CLEC14A: variants seen among roughly 807,000 people sequenced by gnomAD.
CLEC14A encodes C-type lectin domain containing 14A.
For missense variants in CLEC14A, 682 were observed against 659.9 expected (o/e 1.03, Z -0.37); for synonymous variants, 349 against 292.0 (o/e 1.20, Z -1.99).
Position 38,255,927 on chromosome 14 carries a change from C to G in CLEC14A, c.96G>C (p.Ser32=), listed in dbSNP as rs746724750. 3 of 1,565,248 alleles carry G rather than the reference C, an allele frequency of 1.9e-6. No homozygotes were observed. Among genetic ancestry groups the G allele is most frequent in the African/African-American group, 2.7e-5 (2 of 73,684 alleles). ...GCAGGCTGTAGCAGGCCCCCGAGGC[C>G]GAGCAGCCAGCACGGTCGGCAGTGG... is the stretch of plus-strand genomic sequence containing the variant. ...EHPTADRAGC[S]ASGACYSLHH... The change falls in exon 1 of 1, where the codon TCG becomes TCC. Residue 32 remains serine, a synonymous_variant. Transcript: ENST00000342213. This position sits in a 1 kb window ranked among gnomAD's most constrained non-coding sequence, Gnocchi z 5.1.
chr14:38,254,284 T>A lies in CLEC14A; in HGVS notation c.*266A>T. On this transcript the variant is annotated 3_prime_UTR_variant, in exon 1 of 1. Coordinates refer to ENST00000342213, the MANE Select transcript of CLEC14A (RefSeq NM_175060.3). Reference sequence around the variant, plus strand: ...ATGTCTTGAAAAGTTCAATCACTTCTCCAAATTCTCCGAATAAACATAAGA... The same window carrying A: ...ATGTCTTGAAAAGTTCAATCACTTCACCAAATTCTCCGAATAAACATAAGA... The A allele has an allele frequency of 2.8e-6, 1 of 352,174 alleles. No homozygotes were observed. Among genetic ancestry groups the A allele is most frequent in the Non-Finnish European group, 5.1e-6 (1 of 196,172 alleles). The allele number at this position is 352,174 out of a possible 1,614,324, so 21.8% of individuals were successfully genotyped here.
At position 38,254,510 on chromosome 14, in the gene CLEC14A, T is replaced by G; in HGVS notation, c.*40A>C. ...TCTTGGTTCCCCGTTTCATCAAAAG[T>G]GAAAAACTGTTCACAGGAGTGCCCA... is the stretch of plus-strand genomic sequence containing the variant. On this transcript the variant is annotated 3_prime_UTR_variant, in exon 1 of 1. Transcript: ENST00000342213. The G allele has an allele frequency of 6.6e-7, 1 of 1,504,600 alleles. No homozygotes were observed. Among genetic ancestry groups the G allele is most frequent in the Non-Finnish European group, 8.9e-7 (1 of 1,125,296 alleles). 93.2% of individuals were successfully genotyped at this position (1,504,600 alleles called of 1,614,324 possible). A position where few individuals can be genotyped will look rare whatever the true frequency, so the allele number is the denominator to read the frequency against.
chr14:38,255,798 C>T lies in CLEC14A; in HGVS notation c.225G>A (p.Ala75=). Reference sequence around the variant, plus strand: ...CGGGCCCTGGGCCTGCCCGCAGGAGCGCGAGCACAGCGCGCAGCTCGGCGC... The same window carrying T: ...CGGGCCCTGGGCCTGCCCGCAGGAGTGCGAGCACAGCGCGCAGCTCGGCGC... The part of the protein sequence containing the change: ...RAGAELRAVL[A]LLRAGPGPGG... Residue 75 remains alanine, a synonymous_variant, in exon 1 of 1, where the codon GCG becomes GCA. Coordinates refer to ENST00000342213, the MANE Select transcript of CLEC14A (RefSeq NM_175060.3). This position sits in a 1 kb window ranked among gnomAD's most constrained non-coding sequence, Gnocchi z 5.1. The T allele has an allele frequency of 6.5e-7, 1 of 1,541,076 alleles. No individual in the cohort carries two copies. Among genetic ancestry groups the T allele is most frequent in the Non-Finnish European group, 8.7e-7 (1 of 1,147,956 alleles).
rs1884007125 is a variant in CLEC14A at position 38,254,777 on chromosome 14, T to C, written c.1246A>G (p.Thr416Ala). 2 of 1,614,084 alleles carry C rather than the reference T, an allele frequency of 1.2e-6. No homozygotes were observed. The highest frequency in any genetic ancestry group is 1.7e-6 in the Non-Finnish European group (2 of 1,180,028). The change falls in exon 1 of 1, where the codon ACA becomes GCA. Residue 416 changes from threonine to alanine, a missense_variant. Physicochemically the swap from Thr to Ala is moderately conservative, Grantham distance 58. Transcript: ENST00000342213. ...CAGAGCTTGACAAGCCCCAGTACTGTCATGGTCAAGATCACCAACACTACT... is the reference window on the plus strand; with the variant it reads ...CAGAGCTTGACAAGCCCCAGTACTGCCATGGTCAAGATCACCAACACTACT... ...AVVVLVILTM[T>A]VLGLVKLCFH...
rs1312094622 is a variant in CLEC14A at position 38,255,112 on chromosome 14, C to A, written c.911G>T (p.Arg304Met). 1.2e-6 allele frequency: 2 copies of A among 1,612,570 alleles called. No homozygotes were observed. Among genetic ancestry groups the A allele is most frequent in the Admixed American group, 3.3e-5 (2 of 60,024 alleles). Residue 304 changes from arginine (R) to methionine (M), a missense_variant, in exon 1 of 1, where the codon AGG becomes ATG. Physicochemically the swap from Arg to Met is moderately conservative, Grantham distance 91. Transcript: ENST00000342213. The surrounding 1 kb of genome is among the most constrained non-coding windows in gnomAD (Gnocchi z 5.1). ...GCTGGTTGCAGTGGCCGGCGGGCGC[C>A]TGGTGGGCACCCCGGTCCCCCCAAG... ...PTLGGTGVPT[R>M]RPPATATSPV...
rs758048393 is a variant in CLEC14A, at chr14:38,255,915, G to A, written c.108C>T (p.Ala36=). The A allele has an allele frequency of 2.6e-6, 4 of 1,566,080 alleles. No homozygotes were observed. The highest frequency in any genetic ancestry group is 2.4e-5 in the East Asian group (1 of 42,480). ...TGGTAGCGTGGTGCAGGCTGTAGCAGGCCCCCGAGGCCGAGCAGCCAGCAC... is the reference window on the plus strand; with the variant it reads ...TGGTAGCGTGGTGCAGGCTGTAGCAAGCCCCCGAGGCCGAGCAGCCAGCAC... The part of the protein sequence containing the change: ...ADRAGCSASG[A]CYSLHHATMK... The change falls in exon 1 of 1, where the codon GCC becomes GCT. Residue 36 remains alanine (A), a synonymous_variant. Coordinates refer to ENST00000342213, the MANE Select transcript of CLEC14A (RefSeq NM_175060.3). The surrounding 1 kb of genome is among the most constrained non-coding windows in gnomAD (Gnocchi z 5.1).
In CLEC14A at chr14:38,254,838, G is replaced by A. The variant is rs78287081; in HGVS notation, c.1185C>T (p.Ser395=). Residue 395 remains serine (S), a synonymous_variant, in exon 1 of 1, where the codon TCC becomes TCT. Coordinates refer to ENST00000342213, the MANE Select transcript of CLEC14A (RefSeq NM_175060.3). The stretch of plus-strand genomic sequence containing the variant: ...TCACAAATATGAAGACCACGGCAGA[G>A]GAGGAGTCGAAAGCCTGAGGAGTGG... The part of the protein sequence containing the change: ...SSATPQAFDS[S]SAVVFIFVST... The A allele has an allele frequency of 1.5e-3, 2,474 of 1,606,934 alleles. 36 individuals carry two copies. In the African/African-American group the frequency reaches 0.029, roughly 19 times the overall value.
In CLEC14A at chr14:38,255,371, C is replaced by T. The variant is rs997479865; in HGVS notation, c.652G>A (p.Gly218Arg). ...CAAGTAACTGAGATCGGGAGCTGTC[C>T]CCGGCAGAGCGCACTCACCTCGGTC... ...PGTEVSALCR[G>R]QLPISVTCIA... The change falls in exon 1 of 1, where the codon GGA becomes AGA. Residue 218 changes from glycine (G) to arginine (R), a missense_variant. By Grantham distance (125) the Gly-to-Arg change is moderately radical (BLOSUM62 -2). Coordinates refer to ENST00000342213, the MANE Select transcript of CLEC14A (RefSeq NM_175060.3). This position sits in a 1 kb window ranked among gnomAD's most constrained non-coding sequence, Gnocchi z 5.1. 6.2e-7 allele frequency: 1 copy of T among 1,613,522 alleles called. No individual in the cohort carries two copies. The highest frequency in any genetic ancestry group is 1.7e-5 in the Admixed American group (1 of 60,034).
Position 38,255,484 on chromosome 14 carries a change from G to A in CLEC14A, c.539C>T (p.Pro180Leu). 1 of 1,613,144 alleles carries A rather than the reference G, an allele frequency of 6.2e-7. No homozygotes were observed. The highest frequency in any genetic ancestry group is 8.5e-7 in the Non-Finnish European group (1 of 1,180,008). The change falls in exon 1 of 1, where the codon CCT (proline) becomes CTT (leucine). Residue 180 changes from proline (P) to leucine (L), a missense_variant. Coordinates refer to ENST00000342213, the MANE Select transcript of CLEC14A (RefSeq NM_175060.3). The surrounding 1 kb of genome is among the most constrained non-coding windows in gnomAD (Gnocchi z 5.1). ...AGAGGCGGCCCCGGGGCGCGGCGCA[G>A]GACACAAGACCTCAAACTGGTACTT... Reference protein sequence around the residue: ...LCKYQFEVLCPAPRPGAASNL... With the variant: ...LCKYQFEVLCLAPRPGAASNL...
Position 38,254,746 on chromosome 14 carries a change from T to G in CLEC14A, c.1277A>C (p.His426Pro), listed in dbSNP as rs1276858039. 2 of 1,614,010 alleles carry G rather than the reference T, an allele frequency of 1.2e-6. No individual in the cohort carries two copies. Among genetic ancestry groups the G allele is most frequent in the Non-Finnish European group, 1.7e-6 (2 of 1,179,954 alleles). ...CCTTGGCTGGGAAGAGGGGCTTTCG[T>G]GAAAGCAGAGCTTGACAAGCCCCAG... ...TVLGLVKLCF[H>P]ESPSSQPRKE... Residue 426 changes from histidine (H) to proline (P), a missense_variant, in exon 1 of 1, where the codon CAC becomes CCC. Physicochemically the swap from His to Pro is moderately conservative, Grantham distance 77. Coordinates refer to ENST00000342213, the MANE Select transcript of CLEC14A (RefSeq NM_175060.3).
In CLEC14A at chr14:38,255,198, C is replaced by T. The variant is rs755412440; in HGVS notation, c.825G>A (p.Thr275=). 6.2e-7 allele frequency: 1 copy of T among 1,613,866 alleles called. No homozygotes were observed. The highest frequency in any genetic ancestry group is 1.7e-5 in the Admixed American group (1 of 60,032). Residue 275 remains threonine, a synonymous_variant, in exon 1 of 1, where the codon ACG becomes ACA. Coordinates refer to ENST00000342213, the MANE Select transcript of CLEC14A (RefSeq NM_175060.3). This position sits in a 1 kb window ranked among gnomAD's most constrained non-coding sequence, Gnocchi z 5.1. ...GGCCGTCCTTCCCCAGCTCGAAGCC[C>T]GTAGCACATTCGCAGGCAAAGCCTC... is the stretch of plus-strand genomic sequence containing the variant. ...DLGGFACECA[T]GFELGKDGRS... is the part of the protein sequence containing the mutation.
chr14:38,255,832 A>G lies in CLEC14A; in HGVS notation c.191T>C (p.Val64Ala). 1 of 1,543,790 alleles carries G rather than the reference A, an allele frequency of 6.5e-7. No homozygotes were observed. The highest frequency in any genetic ancestry group is 8.7e-7 in the Non-Finnish European group (1 of 1,150,912). Residue 64 changes from valine to alanine, a missense_variant, in exon 1 of 1, where the codon GTG (valine) becomes GCG (alanine). Val to Ala is a moderately conservative substitution (Grantham distance 64). Coordinates refer to ENST00000342213, the MANE Select transcript of CLEC14A (RefSeq NM_175060.3). This position sits in a 1 kb window ranked among gnomAD's most constrained non-coding sequence, Gnocchi z 5.1. ...CILRGGALST[V>A]RAGAELRAVL... ...AGCGCGCAGCTCGGCGCCCGCACGC[A>G]CGGTGCTGAGCGCCCCACCTCGCAG...
chr14:38,254,718 C>T lies in CLEC14A; in HGVS notation c.1305G>A (p.Lys435=). The T allele has an allele frequency of 6.2e-7, 1 of 1,614,186 alleles. No individual in the cohort carries two copies. The highest frequency in any genetic ancestry group is 8.5e-7 in the Non-Finnish European group (1 of 1,180,030). Residue 435 remains lysine, a synonymous_variant, in exon 1 of 1, where the codon AAG becomes AAA. Transcript: ENST00000342213. ...CCAGGCCCGGCGGGCCCATAGACTC[C>T]TTCCTTGGCTGGGAAGAGGGGCTTT... ...FHESPSSQPR[K]ESMGPPGLES... is the part of the protein sequence containing the mutation.
At position 38,255,810 on chromosome 14, in the gene CLEC14A, G is replaced by A. The variant is rs1431594254; in HGVS notation, c.213C>T (p.Arg71=). The A allele has an allele frequency of 1.9e-6, 3 of 1,539,116 alleles. No homozygotes were observed. The highest frequency in any genetic ancestry group is 2.6e-6 in the Non-Finnish European group (3 of 1,147,512). ...LSTVRAGAEL[R]AVLALLRAGP... The stretch of plus-strand genomic sequence containing the variant: ...CTGCCCGCAGGAGCGCGAGCACAGC[G>A]CGCAGCTCGGCGCCCGCACGCACGG... Residue 71 remains arginine (R), a synonymous_variant, in exon 1 of 1, where the codon CGC becomes CGT. Transcript: ENST00000342213. The surrounding 1 kb of genome is among the most constrained non-coding windows in gnomAD (Gnocchi z 5.1).
Position 38,255,171 on chromosome 14 carries a change from G to A in CLEC14A, c.852C>T (p.Arg284=). ...ATGFELGKDG[R]SCVTSGEGQP... is the part of the protein sequence containing the mutation. ...GTCCTTCCCCACTGGTCACACAAGAGCGGCCGTCCTTCCCCAGCTCGAAGC... is the reference window on the plus strand; with the variant it reads ...GTCCTTCCCCACTGGTCACACAAGAACGGCCGTCCTTCCCCAGCTCGAAGC... The change falls in exon 1 of 1, where the codon CGC becomes CGT. Residue 284 remains arginine (R), a synonymous_variant. Coordinates refer to ENST00000342213, the MANE Select transcript of CLEC14A (RefSeq NM_175060.3). This position sits in a 1 kb window ranked among gnomAD's most constrained non-coding sequence, Gnocchi z 5.1. 6.2e-7 allele frequency: 1 copy of A among 1,613,664 alleles called. No individual in the cohort carries two copies. Among genetic ancestry groups the A allele is most frequent in the South Asian group, 1.1e-5 (1 of 91,088 alleles).
chr14:38,254,973 T>G lies in CLEC14A; in HGVS notation c.1050A>C (p.Gly350=), dbSNP rs779677810. The G allele has an allele frequency of 6.2e-7, 1 of 1,613,986 alleles. No homozygotes were observed. The highest frequency in any genetic ancestry group is 8.5e-7 in the Non-Finnish European group (1 of 1,180,024). ...GAAGGGTAGACATCGTGCTCTGTGA[T>G]CCCCATCGAGGAATCTCAGGAATAG... is the stretch of plus-strand genomic sequence containing the variant. ...VTSIPEIPRW[G]SQSTMSTLQM... The change falls in exon 1 of 1, where the codon GGA becomes GGC. Residue 350 remains glycine (G), a synonymous_variant. Coordinates refer to ENST00000342213, the MANE Select transcript of CLEC14A (RefSeq NM_175060.3).
rs1169992575 is a variant in CLEC14A, at chr14:38,256,065, G to A, written c.-43C>T. 6.8e-6 allele frequency: 10 copies of A among 1,464,232 alleles called. No homozygotes were observed. Among genetic ancestry groups the A allele is most frequent in the Non-Finnish European group, 9.0e-6 (10 of 1,107,528 alleles). The allele number at this position is 1,464,232 out of a possible 1,614,324, so 90.7% of individuals were successfully genotyped here. On this transcript the variant is annotated 5_prime_UTR_variant, in exon 1 of 1. Coordinates refer to ENST00000342213, the MANE Select transcript of CLEC14A (RefSeq NM_175060.3). ...GCAGAGCTGCTCCCAACTTGGATCT[G>A]TCCCGCTCGAGGACGCAGAGCTGTG...
Position 38,254,835 on chromosome 14 carries a change from AGAG to A in CLEC14A, c.1185_1187del (p.Ser396del), listed in dbSNP as rs530380827. On this transcript the variant is annotated inframe_deletion, in exon 1 of 1. Transcript: ENST00000342213. ...TGCTCACAAATATGAAGACCACGGC[AGAG>A]GAGGAGTCGAAAGCCTGAGGAGTGG... 2.2e-3 allele frequency: 3,621 copies of A among 1,614,184 alleles called. 4 individuals carry two copies. The highest frequency in any genetic ancestry group is 2.7e-3 in the Non-Finnish European group (3,214 of 1,180,008).
chr14:38,255,417 A>G lies in CLEC14A; in HGVS notation c.606T>C (p.Ala202=). The G allele has an allele frequency of 6.2e-7, 1 of 1,613,314 alleles. No individual in the cohort carries two copies. The highest frequency in any genetic ancestry group is 8.5e-7 in the Non-Finnish European group (1 of 1,180,022). ...CGGTCCCAGGTGGACTGAAGTCCAG[A>G]GCGGCGCTGTGCAGCTGGAAGGGCG... is the stretch of plus-strand genomic sequence containing the variant. ...YRAPFQLHSA[A]LDFSPPGTEV... The change falls in exon 1 of 1, where the codon GCT becomes GCC. Residue 202 remains alanine, a synonymous_variant. Transcript: ENST00000342213. This position sits in a 1 kb window ranked among gnomAD's most constrained non-coding sequence, Gnocchi z 5.1.
Sources: gnomAD v4.1 joint callset for allele counts on GRCh38, gnomAD v4.1.1 for gene constraint, Gnocchi (gnomAD v3.1) non-coding constraint, MANE v1.5 for transcripts, NCBI Gene and HGNC (gene_info 2026-07-23, HGNC 2026-07-21) for gene names.